The following STAB2 variants were observed in gnomAD, a reference collection of about 807,000 sequenced individuals.
The protein encoded by STAB2 is stabilin-2.
Under a neutral mutation model 338.1 loss-of-function variants are expected in STAB2, and 288 were observed. The ratio of observed to expected loss-of-function variants is 0.85; its 90% CI spans 0.77 to 0.94. STAB2 has a LOEUF of 0.94. STAB2 is among the 40% of genes least tolerant of loss of function. The probability of loss-of-function intolerance (pLI) is 0.00; values close to 1 mark genes in which losing one functional copy is unlikely to be tolerated. For synonymous variants in STAB2, 1,202 were observed against 1,193.3 expected, an observed-to-expected ratio of 1.01 and a Z score of -0.15; for missense variants, 3,141 against 3,210.1, an observed-to-expected ratio of 0.98 and a Z score of 0.52.
chr12:103,691,507 T>C (rs1212235740), intron 30 of STAB2, among the ~76,000 whole-genome samples: 3 of 152,336 alleles, frequency 2.0e-5, no homozygotes, highest in Middle Eastern at 6.8e-3. Context: ...TTGTATGTAT[T>C]TAAAGTGTAC....
intron 3 of STAB2, among the ~76,000 whole-genome samples, chr12:103,616,920 C>A (rs1488849062): frequency 1.3e-5 from 2 of 152,208 alleles, no homozygotes; most frequent in African/African-American, 2.4e-5. Flanking sequence ...TTCAGATTGG[C>A]TCCCAAGTGT....
At chr12:103,685,813 G>C (rs868207324) in intron 27 of STAB2, among the ~76,000 whole-genome samples, 32 of 152,132 alleles carry the variant, frequency 2.1e-4, no homozygotes, top group African/African-American at 7.5e-4. Context: ...ATTTATTGAG[G>C]TAAAATATAC....
At chr12:103,600,838 T>G (rs1421251394) in intron 3 of STAB2, among the ~76,000 whole-genome samples, 1 of 74,824 alleles carries the variant, frequency 1.3e-5, no homozygotes, top group African/African-American at 1.3e-4. Flanking sequence ...GGCAGACACC[T>G]GAAGAACTGT....
intron 15 of STAB2, among the ~76,000 whole-genome samples, chr12:103,656,531 T>C (rs1268547046): frequency 6.6e-6 from 1 of 152,200 alleles, no homozygotes; most frequent in Non-Finnish European, 1.5e-5. Context: ...ACCACCAACT[T>C]TCTAATTCAG....
In STAB2 at chr12:103,727,156, C is replaced by A. The variant is rs568148993; in HGVS notation, c.4852-111C>A. 3.7e-6 allele frequency: 4 copies of A among 1,076,720 alleles called. No homozygotes were observed. The East Asian group carries it at 9.5e-5, about 26-fold the overall frequency. The allele number at this position is 1,076,720 out of a possible 1,614,324, so 66.7% of individuals were successfully genotyped here. A position where few individuals can be genotyped will look rare whatever the true frequency, so the allele number is the denominator to read the frequency against. On this transcript the variant is annotated intron_variant, in intron 46 of 68. Transcript: ENST00000388887. ...AATCCAAGACTGAAACAGAGGTCTC[C>A]TCATCCAGTCTTTGCTTCACCCAGG... is the stretch of plus-strand genomic sequence containing the variant.
At chr12:103,618,007 C>T (rs1376490718) in intron 3 of STAB2, among the ~76,000 whole-genome samples, 1 of 152,186 alleles carries the variant, frequency 6.6e-6, no homozygotes, top group East Asian at 1.9e-4. Flanking sequence ...ATAGTACCTG[C>T]ATGTTATGAA....
chr12:103,636,426 C>T (rs962601455), intron 6 of STAB2, among the ~76,000 whole-genome samples: 3 of 151,512 alleles, frequency 2.0e-5, no homozygotes, highest in African/African-American at 7.3e-5. Flanking sequence ...GTTTCTGTCT[C>T]CTGCTTGTCC....
rs1055598649 is a variant in STAB2 at position 103,763,176 on chromosome 12, G to A, written c.7489-316G>A. 5.2e-5 allele frequency: 14 copies of A among 271,080 alleles called. No homozygotes were observed. In the East Asian group the frequency reaches 1.1e-3, roughly 21 times the overall value. 16.8% of individuals were successfully genotyped at this position (271,080 alleles called of 1,614,324 possible). On this transcript the variant is annotated intron_variant, in intron 67 of 68. Coordinates refer to ENST00000388887, the MANE Select transcript of STAB2 (RefSeq NM_017564.10). ...AGGATAGGCAACACCACTTCAGGGT[G>A]ATGGGAGTCAGAACAGCAGTTACCC...
intron 3 of STAB2, among the ~76,000 whole-genome samples, chr12:103,604,208 C>A (rs548197835): frequency 6.6e-6 from 1 of 151,994 alleles, no homozygotes; most frequent in Non-Finnish European, 1.5e-5. Context: ...ATTTTTTAAC[C>A]TTACTGCTCT....
In STAB2 at chr12:103,677,529, G is replaced by A; in HGVS notation, c.2723G>A (p.Cys908Tyr). ...GGTTGGACAGGGAATGGGAGAGACT[G>A]CTCGGAGATCAACAACTGCCTGCTG... ...QQGWTGNGRDCSEINNCLLPS... is the reference protein window; with the variant it reads ...QQGWTGNGRDYSEINNCLLPS... Residue 908 changes from cysteine to tyrosine, a missense_variant, in exon 25 of 69, where the codon TGC (cysteine) becomes TAC (tyrosine). Transcript: ENST00000388887. The A allele has an allele frequency of 2.5e-6, 4 of 1,614,186 alleles. No homozygotes were observed. The highest frequency in any genetic ancestry group is 1.1e-5 in the South Asian group (1 of 91,084).
At chr12:103,704,008 G>C (rs1879127898) in intron 35 of STAB2, among the ~76,000 whole-genome samples, 1 of 152,150 alleles carries the variant, frequency 6.6e-6, no homozygotes, top group Non-Finnish European at 1.5e-5. Context: ...TAGGCAGCCT[G>C]GCCCAGAACT....
intron 3 of STAB2, among the ~76,000 whole-genome samples, chr12:103,596,996 T>G (rs1956886596): frequency 6.6e-6 from 1 of 150,522 alleles, no homozygotes; most frequent in Admixed American, 6.6e-5. Flanking sequence ...AAAGGGCTCT[T>G]TGAATGTTCA....
intron 41 of STAB2, 27 bp from the exon 42 acceptor site, chr12:103,713,616 C>G: frequency 6.2e-7 from 1 of 1,611,746 alleles, no homozygotes; most frequent in Non-Finnish European, 8.5e-7. Context: ...TTCCCTCTCC[C>G]CTTCTGCTCT....
chr12:103,766,365 C>A lies in STAB2; in HGVS notation c.*29C>A, dbSNP rs1297456238. ...CCTGGACGGGAGATGCCAGCCATCA[C>A]TCACTGCCACCTGGGCCATCAACTG... is the stretch of plus-strand genomic sequence containing the variant. On this transcript the variant is annotated 3_prime_UTR_variant, in exon 69 of 69. Transcript: ENST00000388887. 5.0e-6 allele frequency: 8 copies of A among 1,591,732 alleles called. No individual in the cohort carries two copies. Among genetic ancestry groups the A allele is most frequent in the Non-Finnish European group, 6.9e-6 (8 of 1,167,642 alleles).
At chr12:103,668,939 C>T (rs1014291752) in intron 20 of STAB2, 4 of 519,774 alleles carry the variant, frequency 7.7e-6, no homozygotes, top group Middle Eastern at 5.0e-4. Flanking sequence ...ACCCTCTTAA[C>T]ACAGATCACA....
At chr12:103,702,858 A>C (rs923451553) in intron 34 of STAB2, among the ~76,000 whole-genome samples, 1 of 152,230 alleles carries the variant, frequency 6.6e-6, no homozygotes, top group African/African-American at 2.4e-5. Context: ...TGCTTCATGG[A>C]AGATACCTAG....
At chr12:103,624,074 G>A (rs1254500326) in intron 5 of STAB2, among the ~76,000 whole-genome samples, 4 of 152,158 alleles carry the variant, frequency 2.6e-5, no homozygotes, top group African/African-American at 4.8e-5. Flanking sequence ...AAACTGCTTC[G>A]ATTCAAATAT....
chr12:103,609,284 T>G (rs866094307), intron 3 of STAB2, among the ~76,000 whole-genome samples: 4 of 152,188 alleles, frequency 2.6e-5, no homozygotes, highest in South Asian at 2.1e-4. Flanking sequence ...GGGCAGTATA[T>G]CCATTTTCAT....
Position 103,590,981 on chromosome 12 carries a change from G to A in STAB2, c.166G>A (p.Asp56Asn). The A allele has an allele frequency of 6.2e-7, 1 of 1,614,102 alleles. No homozygotes were observed. The stretch of plus-strand genomic sequence containing the variant: ...TCTCAACCTTGGAGTCAAGTGCCCG[G>A]ATGGTTACACCATGATTACCAGTGG... ...CALNLGVKCP[D>N]GYTMITSGSV... The change falls in exon 2 of 69, where the codon GAT becomes AAT. Residue 56 changes from aspartate to asparagine, a missense_variant. Asp to Asn is a conservative substitution (Grantham distance 23). Transcript: ENST00000388887.
Sources: gnomAD v4.1 joint callset for allele counts (sites outside exome capture counted in the v4.1 genomes callset) on GRCh38, gnomAD v4.1.1 for gene constraint, MANE v1.5 for transcripts, NCBI Gene and HGNC (gene_info 2026-07-23, HGNC 2026-07-21) for gene names.